Variants in AZI2 observed in about 807,000 individuals in gnomAD.
AZI2 encodes the protein 5-azacytidine induced 2.
In AZI2, 22 loss-of-function variants were observed where a neutral mutation model predicts 45.8. The observed-to-expected ratio is 0.48, with a 90% confidence interval of 0.34 to 0.69. The LOEUF is 0.69. Among genes scored for constraint, AZI2 ranks in the 30% least tolerant of loss-of-function variants. The pLI is 0.01. For missense variants in AZI2, 417 were observed against 441.5 expected (o/e 0.94, Z 0.50); for synonymous variants, 137 against 156.7 (o/e 0.87, Z 0.94).
At chr3:28,326,337 T>C (rs565396769) in intron 7 of AZI2, among the ~76,000 whole-genome samples, 3 of 150,990 alleles carry the variant, frequency 2.0e-5, no homozygotes, top group Admixed American at 6.6e-5. Context: ...GTCTTCGTTG[T>C]AATCAGCTAT....
chr3:28,336,194 T>G (rs1703781369), intron 5 of AZI2, among the ~76,000 whole-genome samples: 1 of 152,036 alleles, frequency 6.6e-6, no homozygotes, highest in Admixed American at 6.6e-5. Context: ...TGGCAGGTTT[T>G]TGTTATTTTT....
chr3:28,328,070 A>G (rs1283359221), intron 6 of AZI2, among the ~76,000 whole-genome samples: 1 of 150,666 alleles, frequency 6.6e-6, no homozygotes, highest in East Asian at 1.9e-4. Context: ...GTAAGGTGAA[A>G]TACCTTTTTG....
At chr3:28,328,198 A>C in intron 6 of AZI2, among the ~76,000 whole-genome samples, 1 of 151,190 alleles carries the variant, frequency 6.6e-6, no homozygotes, top group East Asian at 1.9e-4. Flanking sequence ...TAGGTGTCAA[A>C]TAATTAGTTC....
Position 28,336,842 on chromosome 3 carries a change from T to C in AZI2, c.483A>G (p.Glu161=), listed in dbSNP as rs1703812779. 2 of 1,613,162 alleles carry C rather than the reference T, an allele frequency of 1.2e-6. No individual in the cohort carries two copies. Among genetic ancestry groups the C allele is most frequent in the Admixed American group, 1.7e-5 (1 of 59,932 alleles). ...GGATCTTCAGGTCACAGCTCAACTT[T>C]TCCACCTCCCAGTTTGATGAAGGTG... ...LNPPSSNWEV[E]KLSCDLKIHG... The change falls in exon 5 of 8, where the codon GAA becomes GAG. Residue 161 remains glutamate, a synonymous_variant. Transcript: ENST00000479665.
rs1020338837 is a variant in AZI2, at chr3:28,340,470, T to C, written c.148A>G (p.Lys50Glu). 6.2e-7 allele frequency: 1 copy of C among 1,612,988 alleles called. No individual in the cohort carries two copies. Among genetic ancestry groups the C allele is most frequent in the Non-Finnish European group, 8.5e-7 (1 of 1,179,276 alleles). Residue 50 changes from lysine to glutamate, a missense_variant, in exon 2 of 8, where the codon AAA becomes GAA. By Grantham distance (56) the Lys-to-Glu change is moderately conservative. Coordinates refer to ENST00000479665, the MANE Select transcript of AZI2 (RefSeq NM_022461.5). ...TCTTTCTCTGAATCCTTAAGTCGTT[T>C]TTTGATGTCTTCATATGCAGTGACA... Reference protein sequence around the residue: ...ALVTAYEDIKKRLKDSEKENS... With the variant: ...ALVTAYEDIKERLKDSEKENS...
Position 28,336,807 on chromosome 3 carries a change from TCCAAA to T in AZI2, c.513_517del (p.Leu172ThrfsTer11), listed in dbSNP as rs1391900472. ...TTTCCTCATCAGTTCCAGCTCTTGT[TCCAAA>T]CCATGGATCTTCAGGTCACAGCTCA... On this transcript the variant is annotated frameshift_variant, in exon 5 of 8. Transcript: ENST00000479665. LOFTEE classifies it high-confidence loss of function. 1 of 1,613,372 alleles carries T rather than the reference TCCAAA, an allele frequency of 6.2e-7. No homozygotes were observed. Among genetic ancestry groups the T allele is most frequent in the Non-Finnish European group, 8.5e-7 (1 of 1,179,684 alleles).
At chr3:28,340,669 A>G (rs1359015396) in intron 1 of AZI2, 47 bp from the exon 2 acceptor site, 2 of 1,419,128 alleles carry the variant, frequency 1.4e-6, no homozygotes, top group African/African-American at 1.4e-5. Flanking sequence ...TCACTGAATA[A>G]GTGAAAAGGA....
intron 5 of AZI2, among the ~76,000 whole-genome samples, chr3:28,333,540 G>A (rs1225425217): frequency 7.6e-6 from 1 of 131,382 alleles, no homozygotes; most frequent in East Asian, 2.0e-4. Flanking sequence ...ATATACTTAT[G>A]CATATGTTCA....
intron 2 of AZI2, among the ~76,000 whole-genome samples, chr3:28,339,759 A>G (rs1703938570): frequency 1.3e-5 from 2 of 152,154 alleles, no homozygotes; most frequent in African/African-American, 4.8e-5. Flanking sequence ...AATACAAACT[A>G]AGCTAAGTTA....
intron 6 of AZI2, 97 bp from the exon 7 acceptor site, chr3:28,327,047 A>G (rs1017784791): frequency 1.2e-5 from 10 of 822,858 alleles, no homozygotes; most frequent in East Asian, 5.4e-5. Flanking sequence ...TTCTGCTCCA[A>G]TTAGTTTTGA....
In AZI2 at chr3:28,348,803, G is replaced by GC. The variant is rs1476703448; in HGVS notation, c.-209dup. The GC allele has an allele frequency of 3.8e-6, 1 of 264,640 alleles. No individual in the cohort carries two copies. The highest frequency in any genetic ancestry group is 6.5e-5 in the Admixed American group (1 of 15,422). The allele number at this position is 264,640 out of a possible 1,614,324, so 16.4% of individuals were successfully genotyped here. On this transcript the variant is annotated 5_prime_UTR_variant, in exon 1 of 8. Coordinates refer to ENST00000479665, the MANE Select transcript of AZI2 (RefSeq NM_022461.5). ...TCCCATTTCTTCTGACTCGGCAGGA[G>GC]CCCGGGACGTTCTGGAAGGAGGGAC...
In AZI2 at chr3:28,336,800, C is replaced by G. The variant is rs1387048493; in HGVS notation, c.525G>C (p.Glu175Asp). 6.2e-7 allele frequency: 1 copy of G among 1,613,432 alleles called. No homozygotes were observed. The highest frequency in any genetic ancestry group is 8.5e-7 in the Non-Finnish European group (1 of 1,179,660). Reference protein sequence around the residue: ...CDLKIHGLEQELELMRKECSD... With the variant: ...CDLKIHGLEQDLELMRKECSD... Reference sequence around the variant, plus strand: ...TACATTCTTTCCTCATCAGTTCCAGCTCTTGTTCCAAACCATGGATCTTCA... The same window carrying G: ...TACATTCTTTCCTCATCAGTTCCAGGTCTTGTTCCAAACCATGGATCTTCA... The change falls in exon 5 of 8, where the codon GAG (glutamate) becomes GAC (aspartate). Residue 175 changes from glutamate (E) to aspartate (D), a missense_variant. Coordinates refer to ENST00000479665, the MANE Select transcript of AZI2 (RefSeq NM_022461.5).
intron 1 of AZI2, among the ~76,000 whole-genome samples, chr3:28,344,478 C>T (rs1478089359): frequency 6.6e-6 from 1 of 152,040 alleles, no homozygotes; most frequent in East Asian, 1.9e-4. Context: ...GTTATTGCTA[C>T]GCAAGCATCC....
intron 6 of AZI2, chr3:28,331,679 A>G: frequency 7.7e-7 from 1 of 1,291,354 alleles, no homozygotes; most frequent in Non-Finnish European, 9.9e-7. Context: ...CCAAATGATA[A>G]AACAATGAAG....
intron 7 of AZI2, chr3:28,326,602 A>C: frequency 2.0e-6 from 1 of 492,180 alleles, no homozygotes; most frequent in Non-Finnish European, 3.7e-6. Context: ...AAAAGCCACA[A>C]GGGGAAAAGA....
chr3:28,332,397 T>C lies in AZI2; in HGVS notation c.619A>G (p.Arg207Gly), dbSNP rs768276037. Residue 207 changes from arginine (R) to glycine (G), a missense_variant, in exon 6 of 8, where the codon AGA becomes GGA. Coordinates refer to ENST00000479665, the MANE Select transcript of AZI2 (RefSeq NM_022461.5). ...DPYQEDNLKS[R>G]DLQKLSISSD... ...GAAATGCTTAGTTTTTGGAGATCTCTGCTCTTCAGATTGTCTTCCTGATAT... is the reference window on the plus strand; with the variant it reads ...GAAATGCTTAGTTTTTGGAGATCTCCGCTCTTCAGATTGTCTTCCTGATAT... 1.2e-5 allele frequency: 19 copies of C among 1,608,608 alleles called. No homozygotes were observed. The highest frequency in any genetic ancestry group is 1.5e-5 in the Non-Finnish European group (18 of 1,176,242).
intron 7 of AZI2, among the ~76,000 whole-genome samples, chr3:28,326,250 C>T (rs1196594180): frequency 1.3e-5 from 2 of 150,940 alleles, no homozygotes; most frequent in Admixed American, 6.6e-5. Context: ...GAAGTTAAAT[C>T]AGTCAAGCAG....
At chr3:28,335,792 G>A (rs1377152333) in intron 5 of AZI2, among the ~76,000 whole-genome samples, 1 of 151,972 alleles carries the variant, frequency 6.6e-6, no homozygotes, top group African/African-American at 2.4e-5. Flanking sequence ...CTTTCAGATG[G>A]TGGCATCCCA....
At chr3:28,327,029 G>T in intron 6 of AZI2, 79 bp from the exon 7 acceptor site, 4 of 987,376 alleles carry the variant, frequency 4.1e-6, no homozygotes, top group Non-Finnish European at 6.0e-6. Flanking sequence ...GAAATATGCA[G>T]ATCAAGTTTC....
Sources: gnomAD v4.1 joint callset for allele counts (sites outside exome capture counted in the v4.1 genomes callset) on GRCh38, gnomAD v4.1.1 for gene constraint, MANE v1.5 for transcripts, NCBI Gene and HGNC (gene_info 2026-07-23, HGNC 2026-07-21) for gene names.